Variants in CC2D2A observed in about 807,000 individuals in gnomAD.
CC2D2A encodes coiled-coil and C2 domain containing 2A.
A neutral mutation model predicts 212.9 loss-of-function variants in CC2D2A; 155 were observed. The ratio of observed to expected loss-of-function variants is 0.73; its 90% CI spans 0.64 to 0.83. CC2D2A has a LOEUF of 0.83. Among genes scored for constraint, CC2D2A ranks in the 40% least tolerant of loss-of-function variants. The pLI is 0.00. For synonymous variants in CC2D2A, 667 were observed against 686.5 expected, an observed-to-expected ratio of 0.97 and a Z score of 0.44; for missense variants, 1,856 against 1,956.2, an observed-to-expected ratio of 0.95 and a Z score of 0.97.
At chr4:15,494,516 CT>C (rs1715500040) in intron 4 of CC2D2A, among the ~76,000 whole-genome samples, 1 of 152,216 alleles carries the variant, frequency 6.6e-6, no homozygotes, top group African/African-American at 2.4e-5. Context: ...CCCATTTTGA[CT>C]TTCTTTTCAT....
At chr4:15,536,485 A>T (rs1292463231) in intron 14 of CC2D2A, among the ~76,000 whole-genome samples, 5 of 152,196 alleles carry the variant, frequency 3.3e-5, no homozygotes, top group Non-Finnish European at 7.3e-5. Context: ...AAAATTTTTT[A>T]AAAAGTGGTT....
chr4:15,500,075 TTGTGTGTG>T (rs753590658), intron 4 of CC2D2A, among the ~76,000 whole-genome samples: 1,925 of 124,240 alleles, frequency 0.015, 28 homozygotes, highest in African/African-American at 0.036. Context: ...CAAACCTAGA[TTGTGTGTG>T]TGTGTGTGTG....
chr4:15,575,049 A>G (rs1290082948), intron 29 of CC2D2A, among the ~76,000 whole-genome samples: 3 of 152,254 alleles, frequency 2.0e-5, no homozygotes, highest in African/African-American at 7.2e-5. Flanking sequence ...TAAGAAATAA[A>G]TGTCTTCCTG....
At chr4:15,595,697 G>A (rs73237200) in intron 33 of CC2D2A, among the ~76,000 whole-genome samples, 2,163 of 152,278 alleles carry the variant, frequency 0.014, 24 homozygotes, top group Non-Finnish European at 0.021. Flanking sequence ...CAGAGAATGC[G>A]CATTGCTGTG....
intron 4 of CC2D2A, among the ~76,000 whole-genome samples, chr4:15,488,424 A>T (rs1243708240): frequency 2.0e-5 from 3 of 152,182 alleles, no homozygotes; most frequent in African/African-American, 7.2e-5. Flanking sequence ...GTTTCCACTG[A>T]GAAGTCTGCT....
At chr4:15,593,052 A>G (rs1721180904) in intron 33 of CC2D2A, among the ~76,000 whole-genome samples, 1 of 152,136 alleles carries the variant, frequency 6.6e-6, no homozygotes, top group Non-Finnish European at 1.5e-5. Flanking sequence ...TTTGCCCTAC[A>G]TTTCTATAAA....
chr4:15,566,438 C>G (rs1254925385), intron 24 of CC2D2A, among the ~76,000 whole-genome samples: 1 of 152,064 alleles, frequency 6.6e-6, no homozygotes, highest in Non-Finnish European at 1.5e-5. Context: ...GATTGAGGCT[C>G]TCATCTATGG....
intron 36 of CC2D2A, 107 bp from the exon 37 acceptor site, chr4:15,601,128 CAA>C: frequency 1.2e-6 from 1 of 817,240 alleles, no homozygotes; most frequent in Non-Finnish European, 1.8e-6. Context: ...AAAACACAAG[CAA>C]ATAACTGAGA....
chr4:15,537,672 C>G (rs1245012809), intron 15 of CC2D2A, among the ~76,000 whole-genome samples: 2 of 152,074 alleles, frequency 1.3e-5, no homozygotes, highest in African/African-American at 4.8e-5. Flanking sequence ...TTAGGCATTT[C>G]AACAGTCTCA....
chr4:15,556,073 T>A (rs1415804144), intron 20 of CC2D2A, among the ~76,000 whole-genome samples: 1 of 152,240 alleles, frequency 6.6e-6, no homozygotes, highest in African/African-American at 2.4e-5. Context: ...ATTGCTCAGA[T>A]CTACCATAAT....
At chr4:15,579,874 A>C (rs2109083154) in intron 29 of CC2D2A, 94 bp from the exon 30 acceptor site, 1 of 977,180 alleles carries the variant, frequency 1.0e-6, no homozygotes, top group South Asian at 1.4e-5. Context: ...ATATTCCCAA[A>C]CCATACATTT....
intron 17 of CC2D2A, among the ~76,000 whole-genome samples, chr4:15,542,771 C>T (rs1347143770): frequency 6.6e-6 from 1 of 152,186 alleles, no homozygotes; most frequent in Non-Finnish European, 1.5e-5. Flanking sequence ...AGGCCAGCGC[C>T]TCCAGGGTCC....
chr4:15,514,599 G>C, intron 8 of CC2D2A, 108 bp from the exon 9 acceptor site: 8 of 849,308 alleles, frequency 9.4e-6, no homozygotes, highest in Non-Finnish European at 1.4e-5. Context: ...AAAAGGAAAA[G>C]ATAAAGTTGT....
At chr4:15,510,406 G>A (rs2109006648) in intron 7 of CC2D2A, among the ~76,000 whole-genome samples, 166 bp downstream of exon 7, 1 of 152,202 alleles carries the variant, frequency 6.6e-6, no homozygotes, top group South Asian at 2.1e-4. Context: ...GACCAGCCTG[G>A]ACAACATGGC....
At chr4:15,534,006 C>G (rs1346278904) in intron 14 of CC2D2A, among the ~76,000 whole-genome samples, 1 of 152,148 alleles carries the variant, frequency 6.6e-6, no homozygotes, top group Non-Finnish European at 1.5e-5. Flanking sequence ...ATGCCTATCA[C>G]TTGGTGGTGT....
At chr4:15,601,034 G>C (rs1721569505) in intron 36 of CC2D2A, among the ~76,000 whole-genome samples, 1 of 152,074 alleles carries the variant, frequency 6.6e-6, no homozygotes, top group Non-Finnish European at 1.5e-5. Flanking sequence ...CTAACAGGTG[G>C]CTTATACACC....
rs112915345 is a variant in CC2D2A at position 15,483,986 on chromosome 4, G to C, written c.247+3159G>C. Among the ~76,000 whole-genome samples, 752 of 152,270 alleles carry C rather than the reference G, an allele frequency of 4.9e-3. 5 individuals carry two copies. The highest frequency in any genetic ancestry group is 0.017 in the African/African-American group (695 of 41,542). On this transcript the variant is annotated intron_variant, in intron 4 of 36. Transcript: ENST00000424120. Reference sequence around the variant, plus strand: ...AGTTCTCCGACCTACCTAAACTTTAGTTTCCTTATTTGTAAAACAGGGACA... The same window carrying C: ...AGTTCTCCGACCTACCTAAACTTTACTTTCCTTATTTGTAAAACAGGGACA...
rs769059642 is a variant in CC2D2A, at chr4:15,569,325, T to C, written c.3431T>C (p.Leu1144Pro). The change falls in exon 27 of 37, where the codon CTG becomes CCG. Residue 1144 changes from leucine (L) to proline (P), a missense_variant. Around this residue, in one of 5 missense-constraint regions of CC2D2A, gnomAD observed 1,512 missense variants for 1,579.3 expected, o/e 0.96. Transcript: ENST00000424120. ...APNGDYSTAS[L>P]QSVKDVVFIN... is the part of the protein sequence containing the mutation. ...AATGGAGATTATAGCACAGCCAGTCTGCAGTCAGTGAAAGATGTTGTGTTC... is the reference window on the plus strand; with the variant it reads ...AATGGAGATTATAGCACAGCCAGTCCGCAGTCAGTGAAAGATGTTGTGTTC... 3 of 1,583,152 alleles carry C rather than the reference T, an allele frequency of 1.9e-6. No homozygotes were observed. Among genetic ancestry groups the C allele is most frequent in the Non-Finnish European group, 1.7e-6 (2 of 1,162,882 alleles).
chr4:15,474,536 A>ATAATAT, intron 1 of CC2D2A, among the ~76,000 whole-genome samples: 1 of 152,278 alleles, frequency 6.6e-6, no homozygotes, highest in African/African-American at 2.4e-5. Flanking sequence ...AACACAATGA[A>ATAATAT]AGGACTATAG....
Sources: gnomAD v4.1 joint callset for allele counts (sites outside exome capture counted in the v4.1 genomes callset) on GRCh38, gnomAD v4.1.1 for gene constraint, gnomAD v4.1.1 regional missense constraint, MANE v1.5 for transcripts, NCBI Gene and HGNC (gene_info 2026-07-23, HGNC 2026-07-21) for gene names.